Variants in TUSC3 observed in about 807,000 individuals in gnomAD.
The protein encoded by TUSC3 is tumor suppressor candidate 3.
TUSC3 carries 45 observed loss-of-function variants against 44.8 expected under a neutral mutation model. The ratio of observed to expected loss-of-function variants is 1.00; its 90% CI spans 0.79 to 1.29. The LOEUF (loss-of-function observed/expected upper bound fraction) is 1.29. TUSC3 is among the 50% of genes most tolerant of loss of function. The probability of loss-of-function intolerance (pLI) is 0.00; values close to 1 mark genes in which losing one functional copy is unlikely to be tolerated. For synonymous variants in TUSC3, 212 were observed against 152.9 expected (o/e 1.39, Z -2.85); for missense variants, 519 against 437.9 (o/e 1.19, Z -1.65).
intron 3 of TUSC3, among the ~76,000 whole-genome samples, chr8:15,652,460 A>G (rs761171455): frequency 6.6e-6 from 1 of 152,108 alleles, no homozygotes; most frequent in Non-Finnish European, 1.5e-5. Flanking sequence ...ATATTCATCT[A>G]TTCAGCAAAT....
At chr8:15,455,030 G>A (rs1320468247) in intron 1 of TUSC3, among the ~76,000 whole-genome samples, 1 of 152,178 alleles carries the variant, frequency 6.6e-6, no homozygotes, top group Non-Finnish European at 1.5e-5. Flanking sequence ...GAGGGTACAA[G>A]ATGTTTTGAG....
At chr8:15,833,899 A>G in the TUSC3 span, among the ~76,000 whole-genome samples, 1 of 151,986 alleles carries the variant, frequency 6.6e-6, no homozygotes, top group African/African-American at 2.4e-5. Flanking sequence ...TTCCTAGATG[A>G]CTACCATTAA....
At chr8:15,547,867 A>G (rs950339627) in intron 1 of TUSC3, among the ~76,000 whole-genome samples, 2 of 151,826 alleles carry the variant, frequency 1.3e-5, no homozygotes, top group African/African-American at 2.4e-5. Flanking sequence ...ACTTTCAAAT[A>G]TCAAACTTGG....
intron 2 of TUSC3, among the ~76,000 whole-genome samples, chr8:15,511,962 A>G (rs140038560): frequency 1.3e-4 from 20 of 152,326 alleles, no homozygotes; most frequent in Non-Finnish European, 2.4e-4. Context: ...TATAGATTCA[A>G]TACAATCCCC....
rs542669497 is a variant in TUSC3 at position 15,434,486 on chromosome 8, C to G, written n.91+17181C>G. 8.7e-5 allele frequency among the ~76,000 whole-genome samples: 13 copies of G among 149,092 alleles called. No homozygotes were observed. In the South Asian group the frequency reaches 2.8e-3, roughly 32 times the overall value. On this transcript the variant is annotated intron_variant and non_coding_transcript_variant, in intron 1 of 5. Coordinates refer to the TUSC3 transcript ENST00000503191. ...GTTTAATGGGACTAGTTGTTTTATT[C>G]ACTAACCTGAAATATTCTATGTGCT...
intron 1 of TUSC3, among the ~76,000 whole-genome samples, chr8:15,566,796 G>A (rs974118357): frequency 6.6e-5 from 10 of 152,026 alleles, no homozygotes; most frequent in African/African-American, 2.4e-4. Flanking sequence ...GTTAATTTGT[G>A]TGTATGTGTT....
chr8:15,827,671 C>T, the TUSC3 span, among the ~76,000 whole-genome samples: 16,098 of 152,168 alleles, frequency 0.11, 963 homozygotes, highest in East Asian at 0.25. Flanking sequence ...TCTTTGGACA[C>T]AGATGTTTTA....
chr8:15,711,980 A>T (rs1326454237), intron 6 of TUSC3, among the ~76,000 whole-genome samples: 1 of 151,912 alleles, frequency 6.6e-6, no homozygotes, highest in East Asian at 1.9e-4. Flanking sequence ...TATTGTTGTG[A>T]TTTGTTCAGA....
At chr8:15,512,870 G>GTATTA (rs371387088) in intron 2 of TUSC3, among the ~76,000 whole-genome samples, 1 of 101,212 alleles carries the variant, frequency 9.9e-6, no homozygotes, top group African/African-American at 3.6e-5. Flanking sequence ...ATATATGTGT[G>GTATTA]TGTATATATA....
intron 1 of TUSC3, among the ~76,000 whole-genome samples, chr8:15,560,738 C>G (rs1463126032): frequency 8.9e-6 from 1 of 111,822 alleles, no homozygotes; most frequent in East Asian, 2.5e-4. Context: ...TCCCTTCTCG[C>G]TTCATTTCAT....
At chr8:15,670,802 G>C (rs1322699378) in intron 5 of TUSC3, among the ~76,000 whole-genome samples, 1 of 151,784 alleles carries the variant, frequency 6.6e-6, no homozygotes, top group African/African-American at 2.4e-5. Flanking sequence ...ATTTAACAAA[G>C]AACTGGTACC....
At chr8:15,816,958 C>A in the TUSC3 span, among the ~76,000 whole-genome samples, 1 of 152,120 alleles carries the variant, frequency 6.6e-6, no homozygotes, top group South Asian at 2.1e-4. Context: ...AAATGTCCTT[C>A]CTTTATTTTG....
the TUSC3 span, among the ~76,000 whole-genome samples, chr8:15,793,241 A>T: frequency 6.6e-6 from 1 of 151,996 alleles, no homozygotes; most frequent in East Asian, 1.9e-4. Context: ...AGCCCACCTA[A>T]CTATGGAAAC....
rs1012420657 is a variant in TUSC3, at chr8:15,492,286, T to A, written n.189+8803T>A. ...AGAAGAGCCTGTTCTTTAAAGTCTT[T>A]CCTGACTGACCACCCTCAGATCAAT... On this transcript the variant is annotated intron_variant and non_coding_transcript_variant, in intron 2 of 5. Transcript: ENST00000503191. Among the ~76,000 whole-genome samples the A allele has an allele frequency of 3.3e-5, 5 of 152,286 alleles. No homozygotes were observed. The South Asian group carries it at 1.0e-3, about 32-fold the overall frequency.
chr8:15,561,837 G>A (rs992115333), intron 1 of TUSC3, among the ~76,000 whole-genome samples: 1 of 152,064 alleles, frequency 6.6e-6, no homozygotes, highest in African/African-American at 2.4e-5. Flanking sequence ...CTTCCCAAGT[G>A]AGGCAATGCC....
At chr8:15,669,180 A>G (rs1393076261) in intron 5 of TUSC3, among the ~76,000 whole-genome samples, 1 of 151,862 alleles carries the variant, frequency 6.6e-6, no homozygotes, top group Non-Finnish European at 1.5e-5. Flanking sequence ...AAGTTGAACA[A>G]CTTTAAACCA....
intron 1 of TUSC3, among the ~76,000 whole-genome samples, chr8:15,429,986 T>A (rs962718748): frequency 6.6e-6 from 1 of 151,492 alleles, no homozygotes; most frequent in African/African-American, 2.4e-5. Context: ...GAGGCAATAA[T>A]AGCCCACCAA....
At chr8:15,754,694 C>T (rs1243184349) in intron 9 of TUSC3, among the ~76,000 whole-genome samples, 1 of 152,106 alleles carries the variant, frequency 6.6e-6, no homozygotes, top group Non-Finnish European at 1.5e-5. Flanking sequence ...CTTCGTTTTG[C>T]ATTTTTGTGA....
intron 1 of TUSC3, among the ~76,000 whole-genome samples, chr8:15,425,380 C>A (rs934524656): frequency 6.6e-6 from 1 of 152,118 alleles, no homozygotes; most frequent in African/African-American, 2.4e-5. Flanking sequence ...GATGGATATG[C>A]AACAAAGTGA....
Sources: gnomAD v4.1 joint callset for allele counts (sites outside exome capture counted in the v4.1 genomes callset) on GRCh38, gnomAD v4.1.1 for gene constraint, MANE v1.5 for transcripts, NCBI Gene and HGNC (gene_info 2026-07-23, HGNC 2026-07-21) for gene names.